The following CD80 variants were observed in gnomAD, a reference collection of about 807,000 sequenced individuals.
CD80 encodes CD80 molecule, also known as T-lymphocyte activation antigen CD80.
CD80 carries 13 observed loss-of-function variants against 27.1 expected under a neutral mutation model. The observed-to-expected ratio is 0.48, with a 90% CI of 0.31 to 0.76. CD80 has a LOEUF of 0.76. Ranked by LOEUF, CD80 falls within the 30% of genes least tolerant of loss-of-function variation. CD80 has a pLI of 0.04. For synonymous variants in CD80, 125 were observed against 125.5 expected, an observed-to-expected ratio of 1.00 and a Z score of 0.03; for missense variants, 277 against 347.9, an observed-to-expected ratio of 0.80 and a Z score of 1.62.
chr3:119,557,800 G>C lies in CD80; in HGVS notation c.-72C>G, dbSNP rs1373355466. ...CAAGTAAGACCAGGGCACTTCCCAG[G>C]TGCAAAACAGGCAGGGCTGATGACA... On this transcript the variant is annotated 5_prime_UTR_variant, in exon 2 of 7. Coordinates refer to ENST00000264246, the MANE Select transcript of CD80 (RefSeq NM_005191.4). The C allele has an allele frequency of 1.0e-6, 1 of 984,898 alleles. No homozygotes were observed. Among genetic ancestry groups the C allele is most frequent in the Non-Finnish European group, 1.5e-6 (1 of 651,762 alleles). 61.0% of individuals were successfully genotyped at this position (984,898 alleles called of 1,614,324 possible).
intron 2 of CD80, among the ~76,000 whole-genome samples, chr3:119,551,897 G>T (rs893746410): frequency 2.0e-5 from 3 of 152,218 alleles, no homozygotes; most frequent in Non-Finnish European, 4.4e-5. Flanking sequence ...CCCATAGCTG[G>T]CATGGGGAGC....
intron 2 of CD80, among the ~76,000 whole-genome samples, chr3:119,552,917 G>T (rs889069924): frequency 6.6e-6 from 1 of 152,044 alleles, no homozygotes; most frequent in Non-Finnish European, 1.5e-5. Flanking sequence ...AATTCATAGA[G>T]ACAGAGAGTA....
At position 119,544,728 on chromosome 3, in the gene CD80, G is replaced by A; in HGVS notation, c.240C>T (p.Asp80=). ...KKMVLTMMSG[D]MNIWPEYKNR... ...TCTTGTACTCGGGCCATATATTCATGTCCCCAGACATCATAGTCAGCACCA... is the reference window on the plus strand; with the variant it reads ...TCTTGTACTCGGGCCATATATTCATATCCCCAGACATCATAGTCAGCACCA... The change falls in exon 3 of 7, where the codon GAC becomes GAT. Residue 80 remains aspartate (D), a synonymous_variant. Transcript: ENST00000264246. 6.2e-7 allele frequency: 1 copy of A among 1,614,194 alleles called. No individual in the cohort carries two copies. Among genetic ancestry groups the A allele is most frequent in the South Asian group, 1.1e-5 (1 of 91,082 alleles).
At chr3:119,539,885 A>G (rs1436821496) in intron 3 of CD80, among the ~76,000 whole-genome samples, 1 of 152,194 alleles carries the variant, frequency 6.6e-6, no homozygotes, top group Non-Finnish European at 1.5e-5. Context: ...TAGTTTGCTC[A>G]TCTATAAGAT....
At chr3:119,540,330 C>A (rs1055796137) in intron 3 of CD80, among the ~76,000 whole-genome samples, 1 of 152,184 alleles carries the variant, frequency 6.6e-6, no homozygotes, top group East Asian at 1.9e-4. Context: ...GCCAGGCAAA[C>A]ACTTCCAGGA....
chr3:119,527,981 G>T (rs549507192), intron 5 of CD80, 140 bp from the exon 6 acceptor site: 1 of 687,504 alleles, frequency 1.5e-6, no homozygotes, highest in African/African-American at 1.8e-5. Flanking sequence ...GATTTACAAT[G>T]CTCCCTCTTT....
intron 2 of CD80, among the ~76,000 whole-genome samples, chr3:119,553,748 C>A (rs543704898): frequency 6.6e-6 from 1 of 152,358 alleles, no homozygotes; most frequent in South Asian, 2.1e-4. Context: ...CCTGGAAACA[C>A]AAGTGTGCTT....
intron 2 of CD80, among the ~76,000 whole-genome samples, chr3:119,555,543 G>A (rs938432633): frequency 6.6e-6 from 1 of 152,156 alleles, no homozygotes; most frequent in Non-Finnish European, 1.5e-5. Flanking sequence ...TAACTCACAA[G>A]TGCTGCAGGG....
At position 119,553,089 on chromosome 3, in the gene CD80, C is replaced by T. The variant is rs906562001; in HGVS notation, c.100+4540G>A. On this transcript the variant is annotated intron_variant, in intron 2 of 6. Coordinates refer to ENST00000264246, the MANE Select transcript of CD80 (RefSeq NM_005191.4). ...ACAACATTGCAAATATACTAAAACC[C>T]ACTGAATTGTACACTTTATTTATTT... Among the ~76,000 whole-genome samples the T allele has an allele frequency of 2.0e-5, 3 of 149,820 alleles. No homozygotes were observed. The Admixed American group carries it at 2.0e-4, about 10-fold the overall frequency.
intron 3 of CD80, among the ~76,000 whole-genome samples, chr3:119,539,844 C>T (rs2082157880): frequency 1.3e-5 from 2 of 152,050 alleles, no homozygotes. Flanking sequence ...GCCTTGTGAC[C>T]CTGGGTCAAT....
intron 2 of CD80, among the ~76,000 whole-genome samples, chr3:119,545,216 G>A (rs916991279): frequency 1.3e-5 from 2 of 151,954 alleles, no homozygotes; most frequent in Admixed American, 6.6e-5. Flanking sequence ...GTGGTGGCGG[G>A]TGTAGTAATC....
chr3:119,558,489 G>A (rs951850622), intron 1 of CD80, among the ~76,000 whole-genome samples: 2 of 152,170 alleles, frequency 1.3e-5, no homozygotes, highest in East Asian at 3.8e-4. Flanking sequence ...AGGGCCAGGC[G>A]TGGTGGCTCA....
At chr3:119,550,712 T>A (rs2107747025) in intron 2 of CD80, among the ~76,000 whole-genome samples, 1 of 152,288 alleles carries the variant, frequency 6.6e-6, no homozygotes, top group Middle Eastern at 3.4e-3. Context: ...TGCTTTGCCA[T>A]TTTTGAATGG....
chr3:119,535,462 G>T (rs2082133046), intron 4 of CD80, among the ~76,000 whole-genome samples: 1 of 152,154 alleles, frequency 6.6e-6, no homozygotes, highest in South Asian at 2.1e-4. Context: ...GTGGTCCTCT[G>T]TATGATCAGC....
intron 5 of CD80, among the ~76,000 whole-genome samples, chr3:119,529,570 C>A (rs1481243418): frequency 1.3e-5 from 2 of 152,142 alleles, no homozygotes; most frequent in East Asian, 3.8e-4. Context: ...AAAAAATAAA[C>A]AGACTAAACT....
chr3:119,552,403 C>T (rs1001260669), intron 2 of CD80, among the ~76,000 whole-genome samples: 1 of 150,828 alleles, frequency 6.6e-6, no homozygotes, highest in African/African-American at 2.4e-5. Context: ...GTCCCAGCTA[C>T]TCGGGAGGCT....
At chr3:119,527,208 T>C (rs1015914817) in intron 6 of CD80, among the ~76,000 whole-genome samples, 3 of 152,190 alleles carry the variant, frequency 2.0e-5, no homozygotes, top group Non-Finnish European at 1.5e-5. Flanking sequence ...TTAAAAAGCT[T>C]TGAAGCTTTT....
At chr3:119,540,219 G>A (rs142506991) in intron 3 of CD80, among the ~76,000 whole-genome samples, 1 of 152,206 alleles carries the variant, frequency 6.6e-6, no homozygotes, top group Non-Finnish European at 1.5e-5. Context: ...AAAGTGCTGG[G>A]ATTACAGGCG....
intron 4 of CD80, among the ~76,000 whole-genome samples, chr3:119,531,682 G>A (rs777729111): frequency 2.1e-5 from 2 of 93,978 alleles, no homozygotes; most frequent in South Asian, 3.9e-4. Context: ...TATTTAAGAC[G>A]GACTTTCACT....
Sources: allele counts gnomAD v4.1 joint callset (sites outside exome capture counted in the v4.1 genomes callset), GRCh38; gene constraint gnomAD v4.1.1; transcripts MANE v1.5; gene names NCBI Gene and HGNC (gene_info 2026-07-23, HGNC 2026-07-21).